Variants in ATP10B observed in about 807,000 individuals in gnomAD.
ATP10B encodes ATPase phospholipid transporting 10B (putative), also known as phospholipid-transporting ATPase VB.
ATP10B carries 122 observed loss-of-function variants against 141.2 expected under a neutral mutation model. That is an observed-to-expected ratio of 0.86 (90% CI 0.75 to 1.00). The LOEUF (loss-of-function observed/expected upper bound fraction) is 1.00. Ranked by LOEUF, ATP10B falls within the 50% of genes least tolerant of loss-of-function variation. The pLI is 0.00. For missense variants in ATP10B, 1,876 were observed against 1,825.3 expected (o/e 1.03, Z -0.51); for synonymous variants, 685 against 692.0 (o/e 0.99, Z 0.16).
intron 6 of ATP10B, among the ~76,000 whole-genome samples, chr5:160,683,928 T>G (rs1290225448): frequency 1.3e-5 from 2 of 152,232 alleles, no homozygotes; most frequent in Non-Finnish European, 2.9e-5. Flanking sequence ...CCTAGTTTAG[T>G]CATTTGCTCA....
Position 160,573,036 on chromosome 5 carries a change from A to G in ATP10B, c.3751-3353T>C, listed in dbSNP as rs372745637. Among the ~76,000 whole-genome samples, 25 of 152,312 alleles carry G rather than the reference A, an allele frequency of 1.6e-4. 2 individuals are homozygous for G. Among genetic ancestry groups the G allele is most frequent in the Admixed American group, 9.8e-4 (15 of 15,304 alleles). ...TGCTTTTTTGCTTTATCATATATGT[A>G]TCCTTCTAGTATGGGCTGAATGTTT... On this transcript the variant is annotated intron_variant, in intron 24 of 25. Transcript: ENST00000327245.
chr5:160,755,676 A>G (rs7724007), intron 2 of ATP10B, among the ~76,000 whole-genome samples: 87,451 of 147,636 alleles, frequency 0.59, 26,498 homozygotes, highest in African/African-American at 0.71. Context: ...TTAGCCGGGC[A>G]TAGTGGCGGG....
chr5:160,767,153 A>C (rs530596550), intron 2 of ATP10B, among the ~76,000 whole-genome samples: 4 of 152,242 alleles, frequency 2.6e-5, no homozygotes, highest in Non-Finnish European at 5.9e-5. Flanking sequence ...TAGTGTTTTA[A>C]GAAAGTTAAT....
At chr5:160,914,640 G>T in the ATP10B span, among the ~76,000 whole-genome samples, 1 of 152,066 alleles carries the variant, frequency 6.6e-6, no homozygotes, top group South Asian at 2.1e-4. Context: ...TTAATTCATG[G>T]ATGTGGAACC....
At chr5:160,669,264 T>C (rs1762510719) in intron 7 of ATP10B, among the ~76,000 whole-genome samples, 1 of 152,202 alleles carries the variant, frequency 6.6e-6, no homozygotes, top group South Asian at 2.1e-4. Context: ...TGTTCCCTGG[T>C]CTTTTACTAT....
rs1242141944 is a variant in ATP10B, at chr5:160,755,834, AAAAAATATATATATATATAT to A, written c.-331+29705_-331+29724del. Among the ~76,000 whole-genome samples the A allele has an allele frequency of 1.5e-3, 98 of 65,904 alleles. 1 individual carries two copies. In the East Asian group the frequency reaches 0.029, roughly 20 times the overall value. The allele number at this position is 65,904 out of a possible 152,430, so 43.2% of individuals were successfully genotyped here. A position where few individuals can be genotyped will look rare whatever the true frequency, so the allele number is the denominator to read the frequency against. On this transcript the variant is annotated intron_variant, in intron 2 of 25. Transcript: ENST00000327245. ...CGTCTCAAAAAAAAAAAAAAAAAAA[AAAAAATATATATATATATAT>A]ATATATATATATATATATATATATT...
chr5:160,799,467 G>T (rs1772210426), intron 1 of ATP10B, among the ~76,000 whole-genome samples: 1 of 152,182 alleles, frequency 6.6e-6, no homozygotes, highest in Non-Finnish European at 1.5e-5. Flanking sequence ...GCCCTCTTCA[G>T]TTCTAATGGA....
chr5:160,821,041 C>A (rs576244817), intron 1 of ATP10B, among the ~76,000 whole-genome samples: 1 of 152,080 alleles, frequency 6.6e-6, no homozygotes, highest in Admixed American at 6.6e-5. Flanking sequence ...AGAAACCAAG[C>A]GCATCCAAAT....
chr5:160,835,147 A>G (rs1380062146), intron 1 of ATP10B, among the ~76,000 whole-genome samples: 1 of 152,104 alleles, frequency 6.6e-6, no homozygotes, highest in Non-Finnish European at 1.5e-5. Flanking sequence ...AAGATTAAAA[A>G]AAAAATCTGT....
chr5:160,586,971 A>C (rs900086765), intron 24 of ATP10B, among the ~76,000 whole-genome samples: 4 of 151,976 alleles, frequency 2.6e-5, no homozygotes, highest in African/African-American at 9.7e-5. Flanking sequence ...TAGTTTAGTA[A>C]ATTTTCATTT....
Position 160,565,164 on chromosome 5 carries a change from G to A in ATP10B, c.*289C>T. 2.4e-6 allele frequency: 1 copy of A among 410,068 alleles called. No homozygotes were observed. The highest frequency in any genetic ancestry group is 3.3e-5 in the South Asian group (1 of 29,998). 25.4% of individuals were successfully genotyped at this position (410,068 alleles called of 1,614,324 possible). On this transcript the variant is annotated 3_prime_UTR_variant, in exon 26 of 26. Transcript: ENST00000327245. Reference sequence around the variant, plus strand: ...CGCTTATCTAGAGGGTCAGAAGAATGGCTTTGGTCTAAACCGATTTGAGAA... The same window carrying A: ...CGCTTATCTAGAGGGTCAGAAGAATAGCTTTGGTCTAAACCGATTTGAGAA...
At chr5:160,792,215 C>T (rs2127910685) in intron 1 of ATP10B, among the ~76,000 whole-genome samples, 1 of 152,260 alleles carries the variant, frequency 6.6e-6, no homozygotes, top group Admixed American at 6.5e-5. Flanking sequence ...TTACTGCCTT[C>T]TGGAATGCAG....
chr5:160,869,434 C>CA, the ATP10B span, among the ~76,000 whole-genome samples: 940 of 143,086 alleles, frequency 6.6e-3, 5 homozygotes, highest in South Asian at 0.023. Flanking sequence ...ATACCAGAGA[C>CA]AAAAAAAAAA....
At chr5:160,826,703 C>A (rs974784894) in intron 1 of ATP10B, among the ~76,000 whole-genome samples, 2 of 152,050 alleles carry the variant, frequency 1.3e-5, no homozygotes, top group Admixed American at 1.3e-4. Context: ...TCACTAAATT[C>A]TTTTCCTAGC....
At chr5:160,593,663 A>T (rs1561635476) in intron 22 of ATP10B, among the ~76,000 whole-genome samples, 1 of 152,230 alleles carries the variant, frequency 6.6e-6, no homozygotes, top group Non-Finnish European at 1.5e-5. Context: ...AAAACTTTGC[A>T]AAAAATTTAG....
chr5:160,709,384 A>G (rs1427438222), intron 3 of ATP10B, among the ~76,000 whole-genome samples: 1 of 152,172 alleles, frequency 6.6e-6, no homozygotes, highest in African/African-American at 2.4e-5. Flanking sequence ...AAAAATAAAA[A>G]ATGACACGAA....
At chr5:160,804,528 C>G (rs1275752946) in intron 1 of ATP10B, among the ~76,000 whole-genome samples, 10 of 152,122 alleles carry the variant, frequency 6.6e-5, no homozygotes, top group African/African-American at 2.4e-4. Context: ...GCTTATGAGC[C>G]CATAGTCATA....
the ATP10B span, among the ~76,000 whole-genome samples, chr5:160,863,219 A>G: frequency 6.6e-6 from 1 of 151,974 alleles, no homozygotes; most frequent in Non-Finnish European, 1.5e-5. Flanking sequence ...GATAATAACC[A>G]ATCAGCAGGT....
At chr5:160,894,339 CA>C in the ATP10B span, among the ~76,000 whole-genome samples, 2 of 151,820 alleles carry the variant, frequency 1.3e-5, no homozygotes, top group Admixed American at 1.3e-4. Context: ...CTAGAATAAC[CA>C]GTTTAGAGAA....
Sources: gnomAD v4.1 joint callset for allele counts (sites outside exome capture counted in the v4.1 genomes callset) on GRCh38, gnomAD v4.1.1 for gene constraint, MANE v1.5 for transcripts, NCBI Gene and HGNC (gene_info 2026-07-23, HGNC 2026-07-21) for gene names.